The following NEGR1 variants were observed in gnomAD, a reference collection of about 807,000 sequenced individuals.
NEGR1 encodes the protein neuronal growth regulator 1.
A neutral mutation model predicts 40.9 loss-of-function variants in NEGR1; 10 were observed. The observed-to-expected ratio is 0.24, with a 90% CI of 0.15 to 0.42. The LOEUF is 0.42. NEGR1 is among the 10% of genes least tolerant of loss of function. The pLI is 1.00. For missense variants in NEGR1, 352 were observed against 438.9 expected, an observed-to-expected ratio of 0.80 and a Z score of 1.77; for synonymous variants, 185 against 166.8, an observed-to-expected ratio of 1.11 and a Z score of -0.84.
intron 2 of NEGR1, among the ~76,000 whole-genome samples, chr1:71,849,937 T>TA (rs1389965370): frequency 6.6e-6 from 1 of 152,200 alleles, no homozygotes; most frequent in African/African-American, 2.4e-5. Context: ...GGGAAACCCA[T>TA]AAAAATGTGA....
At chr1:71,619,644 C>T (rs1322995344) in intron 4 of NEGR1, among the ~76,000 whole-genome samples, 1 of 151,984 alleles carries the variant, frequency 6.6e-6, no homozygotes, top group African/African-American at 2.4e-5. Flanking sequence ...GAGCAAGGAA[C>T]AGATGTTGGA....
At chr1:71,954,989 A>G (rs1182039148) in intron 1 of NEGR1, among the ~76,000 whole-genome samples, 1 of 152,204 alleles carries the variant, frequency 6.6e-6, no homozygotes, top group East Asian at 1.9e-4. Context: ...AATAAATTTT[A>G]CACACATCTC....
rs550685774 is a variant in NEGR1, at chr1:71,398,001, C to T, written c.*9445G>A. ...CTGTTGCTTCAGACAGTGGAAGCCC[C>T]AAGCCTTGGCAGCTTCCACATGGTG... On this transcript the variant is annotated 3_prime_UTR_variant, in exon 7 of 7. Coordinates refer to ENST00000357731, the MANE Select transcript of NEGR1 (RefSeq NM_173808.3). The T allele has an allele frequency of 2.6e-5, 4 of 152,340 alleles. No individual in the cohort carries two copies. Among genetic ancestry groups the T allele is most frequent in the African/African-American group, 9.6e-5 (4 of 41,584 alleles). The allele number at this position is 152,340 out of a possible 1,614,324, so 9.4% of individuals were successfully genotyped here. A position where few individuals can be genotyped will look rare whatever the true frequency, so the allele number is the denominator to read the frequency against.
At chr1:71,645,887 C>T (rs1048236175) in intron 4 of NEGR1, among the ~76,000 whole-genome samples, 1 of 151,674 alleles carries the variant, frequency 6.6e-6, no homozygotes, top group African/African-American at 2.4e-5. Flanking sequence ...TGCTTGGCTG[C>T]CTAGCACTGC....
intron 1 of NEGR1, among the ~76,000 whole-genome samples, chr1:71,989,574 A>G (rs180773365): frequency 6.7e-6 from 1 of 149,348 alleles, no homozygotes; most frequent in Non-Finnish European, 1.5e-5. Context: ...ATCTTTAAAA[A>G]TGACCCAAGT....
intron 2 of NEGR1, among the ~76,000 whole-genome samples, chr1:71,838,615 A>C (rs995013403): frequency 1.3e-5 from 2 of 152,138 alleles, no homozygotes; most frequent in Non-Finnish European, 2.9e-5. Flanking sequence ...AGTCTTTGGC[A>C]GTGAGTGTGA....
chr1:71,585,974 A>G (rs562091322), intron 6 of NEGR1, among the ~76,000 whole-genome samples: 1 of 152,178 alleles, frequency 6.6e-6, no homozygotes, highest in Non-Finnish European at 1.5e-5. Flanking sequence ...CTTGTTTTAG[A>G]CTAGTAGTGT....
chr1:71,688,325 T>TATATATATATATATATAGATAG (rs1475341609), intron 4 of NEGR1, among the ~76,000 whole-genome samples: 10 of 103,204 alleles, frequency 9.7e-5, no homozygotes, highest in Non-Finnish European at 1.9e-4. Flanking sequence ...TATATATATA[T>TATATATATATATATATAGATAG]ATAGATAGAT....
intron 1 of NEGR1, among the ~76,000 whole-genome samples, chr1:72,213,533 TTAAA>T: frequency 6.6e-6 from 1 of 151,950 alleles, no homozygotes; most frequent in African/African-American, 2.4e-5. Flanking sequence ...TTACGACCTG[TTAAA>T]TAAACTTTCT....
At chr1:71,521,061 G>A (rs1031728533) in intron 6 of NEGR1, among the ~76,000 whole-genome samples, 4 of 152,024 alleles carry the variant, frequency 2.6e-5, no homozygotes, top group Non-Finnish European at 4.4e-5. Flanking sequence ...TTAGCAGCCC[G>A]TTAATTTGGG....
intron 1 of NEGR1, among the ~76,000 whole-genome samples, chr1:72,217,897 T>A (rs1653877066): frequency 6.6e-6 from 1 of 151,862 alleles, no homozygotes; most frequent in Non-Finnish European, 1.5e-5. Context: ...AGTTTAGTCT[T>A]CTATATCTCC....
At chr1:72,191,606 T>C (rs747157145) in intron 1 of NEGR1, among the ~76,000 whole-genome samples, 2 of 151,916 alleles carry the variant, frequency 1.3e-5, no homozygotes, top group Non-Finnish European at 2.9e-5. Flanking sequence ...TGATAGAGAC[T>C]GTTTTAATTC....
rs186676519 is a variant in NEGR1 at position 71,656,030 on chromosome 1, A to T, written c.667+41978T>A. Among the ~76,000 whole-genome samples the T allele has an allele frequency of 5.9e-5, 9 of 152,306 alleles. No homozygotes were observed. The East Asian group carries it at 1.5e-3, about 26-fold the overall frequency. On this transcript the variant is annotated intron_variant, in intron 4 of 6. Transcript: ENST00000357731. ...TCTGCATTTTATTAACCCTGCAAAC[A>T]ACCTCATAGAATATCCCATTTATAA...
chr1:71,930,542 A>G (rs1645845715), intron 2 of NEGR1, among the ~76,000 whole-genome samples: 1 of 152,136 alleles, frequency 6.6e-6, no homozygotes, highest in Non-Finnish European at 1.5e-5. Flanking sequence ...GGTGTTCTGA[A>G]TACTCCTCCA....
At chr1:72,266,697 G>T (rs931368664) in intron 1 of NEGR1, among the ~76,000 whole-genome samples, 1 of 141,000 alleles carries the variant, frequency 7.1e-6, no homozygotes, top group Non-Finnish European at 1.5e-5. Context: ...TGTACCAAGT[G>T]TGTGTGTATA....
chr1:71,816,129 C>G (rs1026052126), intron 2 of NEGR1, among the ~76,000 whole-genome samples: 1 of 152,042 alleles, frequency 6.6e-6, no homozygotes, highest in Non-Finnish European at 1.5e-5. Context: ...TGCTTATGTA[C>G]TTGCTGTTTG....
chr1:71,902,264 T>A (rs75590509), intron 2 of NEGR1, among the ~76,000 whole-genome samples: 2,363 of 152,270 alleles, frequency 0.016, 47 homozygotes, highest in South Asian at 0.1. Flanking sequence ...GAGCGCAGTA[T>A]GTGGTTAGTG....
intron 6 of NEGR1, among the ~76,000 whole-genome samples, chr1:71,560,470 A>G (rs1648418567): frequency 3.1e-5 from 3 of 95,798 alleles, no homozygotes; most frequent in Admixed American, 1.2e-4. Context: ...TTTCCAATTA[A>G]CCATCATTCT....
chr1:72,138,270 C>A (rs10218467), intron 1 of NEGR1, among the ~76,000 whole-genome samples: 2,466 of 151,616 alleles, frequency 0.016, 69 homozygotes, highest in African/African-American at 0.057. Flanking sequence ...TAAAAAACCA[C>A]TCCAATAGTC....
Sources: allele counts gnomAD v4.1 joint callset (sites outside exome capture counted in the v4.1 genomes callset), GRCh38; gene constraint gnomAD v4.1.1; transcripts MANE v1.5; gene names NCBI Gene and HGNC (gene_info 2026-07-23, HGNC 2026-07-21).